The following TMEM114 variants were observed in gnomAD, a reference collection of about 807,000 sequenced individuals.
TMEM114 encodes claudin-26.
Under a neutral mutation model 6.2 loss-of-function variants are expected in TMEM114, and 6 were observed. That is an observed-to-expected ratio of 0.97 (90% confidence interval 0.53 to 1.91). The LOEUF (loss-of-function observed/expected upper bound fraction) is 1.91. Among genes scored for constraint, TMEM114 ranks in the 40% most tolerant of loss-of-function variants. TMEM114 has a pLI of 0.01. For missense variants in TMEM114, 218 were observed against 158.3 expected (o/e 1.38, Z -2.02); for synonymous variants, 104 against 73.0 (o/e 1.42, Z -2.16).
intron 2 of TMEM114, among the ~76,000 whole-genome samples, chr16:8,581,696 C>T (rs1410867614): frequency 2.0e-5 from 3 of 152,236 alleles, no homozygotes; most frequent in Admixed American, 1.3e-4. Flanking sequence ...TCAAGTGATC[C>T]GCCCACCTTG....
At chr16:8,562,044 G>GTGAGTGAGTGAA in intron 2 of TMEM114, among the ~76,000 whole-genome samples, 1 of 149,574 alleles carries the variant, frequency 6.7e-6, no homozygotes, top group South Asian at 2.1e-4. Context: ...GAGTAAATGA[G>GTGAGTGAGTGAA]TGAGTGAGTG....
intron 2 of TMEM114, among the ~76,000 whole-genome samples, chr16:8,575,118 G>A (rs1901875306): frequency 6.6e-6 from 1 of 152,128 alleles, no homozygotes; most frequent in African/African-American, 2.4e-5. Flanking sequence ...GGGAAGTGGT[G>A]GATATGTAGT....
intron 2 of TMEM114, among the ~76,000 whole-genome samples, chr16:8,561,863 AGG>A (rs1901221133): frequency 6.9e-6 from 1 of 145,172 alleles, no homozygotes; most frequent in African/African-American, 2.6e-5. Flanking sequence ...TGAGTGAGTG[AGG>A]GAATGAGTGA....
intron 3 of TMEM114, 63 bp downstream of exon 3, chr16:8,572,022 TAC>T: frequency 6.8e-7 from 1 of 1,460,758 alleles, no homozygotes; most frequent in Non-Finnish European, 9.0e-7. Context: ...TGAGGGTTCA[TAC>T]ACAGTACCCA....
At chr16:8,553,573 C>T (rs537120826) in intron 2 of TMEM114, among the ~76,000 whole-genome samples, 106 of 152,206 alleles carry the variant, frequency 7.0e-4, no homozygotes, top group Non-Finnish European at 1.3e-3. Flanking sequence ...GCAAGCTCCA[C>T]CTCCTGGGTT....
At chr16:8,549,228 G>GGTGGCTCA (rs1477783729) in intron 2 of TMEM114, among the ~76,000 whole-genome samples, 1 of 149,076 alleles carries the variant, frequency 6.7e-6, no homozygotes, top group Non-Finnish European at 1.5e-5. Context: ...GGTTGGGGGT[G>GGTGGCTCA]GTGGCTCACA....
chr16:8,526,569 T>A, the TMEM114 span: 1 of 151,878 alleles, frequency 6.6e-6, no homozygotes, highest in East Asian at 2.0e-4. Flanking sequence ...AGAGCCAATA[T>A]TTATTTTGTA....
At chr16:8,559,402 C>T (rs2141667191) in intron 2 of TMEM114, among the ~76,000 whole-genome samples, 1 of 133,846 alleles carries the variant, frequency 7.5e-6, no homozygotes, top group East Asian at 2.5e-4. Flanking sequence ...ACCAACGTCC[C>T]AGCTGTGGAG....
At chr16:8,573,017 C>T (rs1216377059) in intron 2 of TMEM114, among the ~76,000 whole-genome samples, 1 of 152,204 alleles carries the variant, frequency 6.6e-6, no homozygotes. Context: ...CCGTTCTCTA[C>T]AAGAACATAT....
chr16:8,543,091 C>G (rs1016885107), intron 2 of TMEM114, among the ~76,000 whole-genome samples: 1 of 152,124 alleles, frequency 6.6e-6, no homozygotes, highest in Non-Finnish European at 1.5e-5. Flanking sequence ...ATTTTTCCCC[C>G]TTTCAGCATA....
At chr16:8,532,197 G>A in the TMEM114 span, among the ~76,000 whole-genome samples, 48 of 152,290 alleles carry the variant, frequency 3.2e-4, no homozygotes, top group East Asian at 5.8e-4. Flanking sequence ...GAAACAATGC[G>A]TAGGCTGCTC....
chr16:8,572,705 G>T (rs1215259723), intron 2 of TMEM114, among the ~76,000 whole-genome samples: 1 of 152,178 alleles, frequency 6.6e-6, no homozygotes, highest in Non-Finnish European at 1.5e-5. Flanking sequence ...CAAAGTGCTG[G>T]CATTACAGGT....
At chr16:8,528,738 G>C in the TMEM114 span, among the ~76,000 whole-genome samples, 3 of 152,224 alleles carry the variant, frequency 2.0e-5, no homozygotes, top group African/African-American at 7.2e-5. Flanking sequence ...AAGCATGAAA[G>C]TGCTAAGTTA....
intron 2 of TMEM114, among the ~76,000 whole-genome samples, chr16:8,574,982 T>C: frequency 6.6e-6 from 1 of 152,186 alleles, no homozygotes; most frequent in East Asian, 1.9e-4. Context: ...CCAAGTTCTG[T>C]TCTACTTAGA....
intron 2 of TMEM114, among the ~76,000 whole-genome samples, chr16:8,576,742 G>GGAAGGAAGGAAGGAAA (rs1567208929): frequency 3.3e-5 from 5 of 150,456 alleles, no homozygotes; most frequent in African/African-American, 1.2e-4. Flanking sequence ...AAGGAAGGAA[G>GGAAGGAAGGAAGGAAA]GAAGGAAGGA....
intron 2 of TMEM114, among the ~76,000 whole-genome samples, chr16:8,560,022 G>A (rs1470685530): frequency 1.3e-5 from 2 of 152,014 alleles, no homozygotes; most frequent in East Asian, 3.9e-4. Flanking sequence ...TTTGAGATAG[G>A]GTCTCACTCT....
At position 8,569,808 on chromosome 16, in the gene TMEM114, G is replaced by T; in HGVS notation, c.637C>A (p.Leu213Ile). ...TGGTCCTGCCTCCGTCTCAGGCTGA[G>T]CTCGCGGGCTGCTGCCAGGAAGGCT... ...GAAFLAAARE[L>I]SLRRRQDQAI Residue 213 changes from leucine (L) to isoleucine (I), a missense_variant, in exon 4 of 4, where the codon CTC (leucine) becomes ATC (isoleucine). By Grantham distance (5) the Leu-to-Ile change is conservative (BLOSUM62 2). Transcript: ENST00000620492. The T allele has an allele frequency of 6.4e-7, 1 of 1,550,824 alleles. No individual in the cohort carries two copies. The highest frequency in any genetic ancestry group is 8.7e-7 in the Non-Finnish European group (1 of 1,146,912).
intron 2 of TMEM114, among the ~76,000 whole-genome samples, chr16:8,585,152 A>C (rs888444131): frequency 1.3e-5 from 2 of 152,136 alleles, no homozygotes; most frequent in Admixed American, 6.5e-5. Context: ...AAACCATCAG[A>C]TCTCAGGAGA....
At chr16:8,551,920 C>A (rs544592918) in intron 2 of TMEM114, among the ~76,000 whole-genome samples, 1 of 152,288 alleles carries the variant, frequency 6.6e-6, no homozygotes, top group Non-Finnish European at 1.5e-5. Context: ...TGAAAAGGAG[C>A]AAATGCAACA....
Sources: gnomAD v4.1 joint callset for allele counts (sites outside exome capture counted in the v4.1 genomes callset) on GRCh38, gnomAD v4.1.1 for gene constraint, MANE v1.5 for transcripts, NCBI Gene and HGNC (gene_info 2026-07-23, HGNC 2026-07-21) for gene names.